Variants in FAM120B observed in about 807,000 individuals in gnomAD.
The protein encoded by FAM120B is family with sequence similarity 120 member B.
FAM120B carries 83 observed loss-of-function variants against 96.3 expected under a neutral mutation model. That is an observed-to-expected ratio of 0.86 (90% confidence interval 0.72 to 1.03). The LOEUF is 1.03. Ranked by LOEUF, FAM120B falls within the 50% of genes least tolerant of loss-of-function variation. The probability of loss-of-function intolerance (pLI) is 0.00; values close to 1 mark genes in which losing one functional copy is unlikely to be tolerated. For synonymous variants in FAM120B, 407 were observed against 402.7 expected (o/e 1.01, Z -0.13); for missense variants, 1,027 against 1,121.2 (o/e 0.92, Z 1.20).
At chr6:170,339,888 G>A (rs1483497169) in intron 4 of FAM120B, among the ~76,000 whole-genome samples, 1 of 152,022 alleles carries the variant, frequency 6.6e-6, no homozygotes, top group Non-Finnish European at 1.5e-5. Flanking sequence ...CCCTTTGTAG[G>A]TAACCTGACC....
chr6:170,307,594 A>G (rs1454491699), intron 1 of FAM120B, among the ~76,000 whole-genome samples: 3 of 152,216 alleles, frequency 2.0e-5, no homozygotes, highest in African/African-American at 7.2e-5. Context: ...AAGGTTTCAG[A>G]GTCTTGACAT....
At chr6:170,374,037 A>G (rs570658149) in intron 6 of FAM120B, among the ~76,000 whole-genome samples, 1 of 152,052 alleles carries the variant, frequency 6.6e-6, no homozygotes, top group East Asian at 1.9e-4. Flanking sequence ...TTCTACCTGG[A>G]TTTTTTACCC....
chr6:170,310,213 G>C lies in FAM120B; in HGVS notation c.-22+3371G>C, dbSNP rs1784510269. On this transcript the variant is annotated intron_variant, in intron 1 of 10. Transcript: ENST00000476287. Reference sequence around the variant, plus strand: ...TGAGTAAGTTGTTTATGCTGCATCAGCCTCTAAGGGGTTTTGTAGAGCACA... The same window carrying C: ...TGAGTAAGTTGTTTATGCTGCATCACCCTCTAAGGGGTTTTGTAGAGCACA... Among the ~76,000 whole-genome samples the C allele has an allele frequency of 5.9e-5, 9 of 152,320 alleles. No individual in the cohort carries two copies. In the South Asian group the frequency reaches 1.7e-3, roughly 28 times the overall value.
chr6:170,297,527 A>C (rs1784043043), intron 1 of FAM120B, among the ~76,000 whole-genome samples: 1 of 152,198 alleles, frequency 6.6e-6, no homozygotes, highest in Non-Finnish European at 1.5e-5. Context: ...CATCTGATCT[A>C]ATCCTTAAAT....
In FAM120B at chr6:170,346,039, T is replaced by A. The variant is rs113143504; in HGVS notation, c.2018-2112T>A. Among the ~76,000 whole-genome samples the A allele has an allele frequency of 1.5e-3, 223 of 152,350 alleles. 1 individual carries two copies. Among genetic ancestry groups the A allele is most frequent in the African/African-American group, 5.1e-3 (210 of 41,578 alleles). Reference sequence around the variant, plus strand: ...TAACAGTGGCAAGCATTTGTGTATGTAAACATTCCTAAACATAGAAAAGGT... The same window carrying A: ...TAACAGTGGCAAGCATTTGTGTATGAAAACATTCCTAAACATAGAAAAGGT... On this transcript the variant is annotated intron_variant, in intron 4 of 10. Coordinates refer to ENST00000476287, the MANE Select transcript of FAM120B (RefSeq NM_032448.3).
intron 5 of FAM120B, 120 bp from the exon 6 acceptor site, chr6:170,358,106 G>T: frequency 2.5e-6 from 2 of 792,140 alleles, no homozygotes; most frequent in Admixed American, 4.5e-5. Flanking sequence ...GTGCCTGTAC[G>T]TGCCTGTGTG....
chr6:170,401,911 C>T (rs1409027710), intron 9 of FAM120B, among the ~76,000 whole-genome samples: 1 of 151,706 alleles, frequency 6.6e-6, no homozygotes, highest in Non-Finnish European at 1.5e-5. Context: ...AGGGCTGCCT[C>T]CGCAGCCTGC....
intron 1 of FAM120B, among the ~76,000 whole-genome samples, chr6:170,307,075 C>T (rs903102490): frequency 1.3e-5 from 2 of 152,258 alleles, no homozygotes; most frequent in East Asian, 3.9e-4. Context: ...ACCCTCCTGC[C>T]GAGCCCTGGT....
intron 6 of FAM120B, among the ~76,000 whole-genome samples, chr6:170,380,450 C>T (rs1789836816): frequency 6.6e-6 from 1 of 152,150 alleles, no homozygotes; most frequent in Non-Finnish European, 1.5e-5. Context: ...AATGGCTGTG[C>T]CAATTTACAT....
At chr6:170,312,556 C>T (rs2115003615) in intron 1 of FAM120B, among the ~76,000 whole-genome samples, 1 of 152,322 alleles carries the variant, frequency 6.6e-6, no homozygotes, top group East Asian at 1.9e-4. Flanking sequence ...CAACAAAACT[C>T]TACCCATTAT....
rs187066771 is a variant in FAM120B at position 170,382,502 on chromosome 6, A to G, written c.2284-5785A>G. 9.7e-4 allele frequency among the ~76,000 whole-genome samples: 148 copies of G among 152,368 alleles called. 1 individual carries two copies. The highest frequency in any genetic ancestry group is 1.8e-3 in the Non-Finnish European group (125 of 68,042). ...AAAATCACTTGCATTTCTATATACTATTAATGAACATATGGAAACCTAAAT... is the reference window on the plus strand; with the variant it reads ...AAAATCACTTGCATTTCTATATACTGTTAATGAACATATGGAAACCTAAAT... On this transcript the variant is annotated intron_variant, in intron 6 of 10. Coordinates refer to ENST00000476287, the MANE Select transcript of FAM120B (RefSeq NM_032448.3).
At chr6:170,293,138 T>C (rs1255523263), upstream of FAM120B, among the ~76,000 whole-genome samples, 3 of 152,110 alleles carry the variant, frequency 2.0e-5, no homozygotes, top group African/African-American at 4.8e-5. Flanking sequence ...CGGAGCATTC[T>C]GCTTCCCTAA....
Position 170,395,538 on chromosome 6 carries a change from G to GCCGTTCCA in FAM120B, c.2652_2659dup (p.Ser887ThrfsTer70). The GCCGTTCCA allele has an allele frequency of 1.2e-6, 2 of 1,600,612 alleles. No individual in the cohort carries two copies. Among genetic ancestry groups the GCCGTTCCA allele is most frequent in the Non-Finnish European group, 1.7e-6 (2 of 1,173,752 alleles). On this transcript the variant is annotated frameshift_variant, in exon 9 of 11. Transcript: ENST00000476287. LOFTEE classifies it high-confidence loss of function. ...TACCACAGGACGGGCTCTGGGTATA[G>GCCGTTCCA]CCGTTCCAGTCAGGGACAGCCGTGG...
chr6:170,292,370 G>A (rs1365298899), upstream of FAM120B, among the ~76,000 whole-genome samples: 1 of 152,180 alleles, frequency 6.6e-6, no homozygotes, highest in Non-Finnish European at 1.5e-5. This position sits in a 1 kb window ranked among gnomAD's most constrained non-coding sequence, Gnocchi z 6.6. Context: ...CTGGCACCTA[G>A]CTTTGCACTT....
chr6:170,327,292 C>T (rs1785658231), intron 3 of FAM120B, among the ~76,000 whole-genome samples: 1 of 152,156 alleles, frequency 6.6e-6, no homozygotes, highest in Non-Finnish European at 1.5e-5. Flanking sequence ...GTGATCCGCC[C>T]ACCTCGGCCT....
chr6:170,373,437 A>T (rs1583285328), intron 6 of FAM120B, among the ~76,000 whole-genome samples: 1 of 152,196 alleles, frequency 6.6e-6, no homozygotes, highest in East Asian at 1.9e-4. Flanking sequence ...TTAGGGAAGG[A>T]GAGTCACCAG....
At chr6:170,307,259 G>GTTCT (rs1784350117) in intron 1 of FAM120B, among the ~76,000 whole-genome samples, 1 of 152,232 alleles carries the variant, frequency 6.6e-6, no homozygotes. Context: ...GTCTCTAGAA[G>GTTCT]AGAGAGGCAT....
chr6:170,357,581 C>G (rs1788033749), intron 5 of FAM120B, among the ~76,000 whole-genome samples: 1 of 152,172 alleles, frequency 6.6e-6, no homozygotes, highest in Admixed American at 6.5e-5. Flanking sequence ...CAGGTTTCCT[C>G]TAGGTTGCCA....
chr6:170,367,219 A>G (rs1788854987), intron 6 of FAM120B, among the ~76,000 whole-genome samples: 1 of 152,224 alleles, frequency 6.6e-6, no homozygotes, highest in Non-Finnish European at 1.5e-5. Context: ...TGATAATGAT[A>G]CTCTCACTTT....
Sources: allele counts gnomAD v4.1 joint callset (sites outside exome capture counted in the v4.1 genomes callset), GRCh38; gene constraint gnomAD v4.1.1; non-coding constraint Gnocchi (gnomAD v3.1); transcripts MANE v1.5; gene names NCBI Gene and HGNC (gene_info 2026-07-23, HGNC 2026-07-21).